SLC49A4: variants seen among roughly 807,000 people sequenced by gnomAD.
SLC49A4 encodes the protein solute carrier family 49 member 4.
A neutral mutation model predicts 50.6 loss-of-function variants in SLC49A4; 36 were observed. The observed-to-expected ratio is 0.71, with a 90% CI of 0.55 to 0.94. The LOEUF (loss-of-function observed/expected upper bound fraction) is 0.94, where lower values mean the gene tolerates loss of function less well. Among genes scored for constraint, SLC49A4 ranks in the 40% least tolerant of loss-of-function variants. The pLI is 0.00. For synonymous variants in SLC49A4, 248 were observed against 241.2 expected (o/e 1.03, Z -0.26); for missense variants, 503 against 605.7 (o/e 0.83, Z 1.78).
At chr3:122,834,719 G>A (rs1214599954) in intron 4 of SLC49A4, among the ~76,000 whole-genome samples, 3 of 151,552 alleles carry the variant, frequency 2.0e-5, no homozygotes, top group Admixed American at 6.6e-5. Context: ...GATCAGAGCA[G>A]AACTAAATAA....
chr3:122,857,376 A>G (rs1490669280), intron 6 of SLC49A4, among the ~76,000 whole-genome samples: 2 of 152,072 alleles, frequency 1.3e-5, no homozygotes, highest in Non-Finnish European at 2.9e-5. Flanking sequence ...CCAAAGAGAT[A>G]ATATTCATTC....
intron 4 of SLC49A4, among the ~76,000 whole-genome samples, chr3:122,839,902 A>G (rs919733033): frequency 2.0e-5 from 3 of 152,170 alleles, no homozygotes; most frequent in African/African-American, 7.2e-5. Context: ...TACCCAAAGG[A>G]GAAAAGTCTT....
intron 2 of SLC49A4, among the ~76,000 whole-genome samples, chr3:122,821,895 C>A (rs953994010): frequency 2.6e-5 from 4 of 152,090 alleles, no homozygotes; most frequent in African/African-American, 9.7e-5. Flanking sequence ...TGAATTTAAA[C>A]TTGTTAAAAT....
intron 7 of SLC49A4, among the ~76,000 whole-genome samples, chr3:122,867,654 A>G (rs1279028670): frequency 1.3e-5 from 2 of 152,246 alleles, no homozygotes; most frequent in Non-Finnish European, 2.9e-5. Flanking sequence ...ATAACCACTG[A>G]TCCCCAAAGT....
intron 2 of SLC49A4, among the ~76,000 whole-genome samples, chr3:122,825,475 A>G (rs1263102380): frequency 1.3e-5 from 2 of 151,904 alleles, no homozygotes; most frequent in African/African-American, 4.8e-5. Context: ...GCCTTCATAT[A>G]ATTTTTCCAA....
At position 122,845,748 on chromosome 3, in the gene SLC49A4, A is replaced by C. The variant is rs537106908; in HGVS notation, c.834-15A>C. 5 of 1,476,596 alleles carry C rather than the reference A, an allele frequency of 3.4e-6. No homozygotes were observed. The highest frequency in any genetic ancestry group is 4.6e-6 in the Non-Finnish European group (5 of 1,084,350). 91.5% of individuals were successfully genotyped at this position (1,476,596 alleles called of 1,614,324 possible). On this transcript the variant is annotated splice_polypyrimidine_tract_variant and intron_variant, in intron 4 of 8. Transcript: ENST00000261038. ...TTAATTTGTTACAATGTTTCCTTTTATTTCTCATTCACAGCAATTTTCGAT... is the reference window on the plus strand; with the variant it reads ...TTAATTTGTTACAATGTTTCCTTTTCTTTCTCATTCACAGCAATTTTCGAT...
chr3:122,815,580 A>ATG (rs1184079084), intron 2 of SLC49A4, among the ~76,000 whole-genome samples: 4 of 152,174 alleles, frequency 2.6e-5, no homozygotes, highest in Admixed American at 2.6e-4. Flanking sequence ...AGATGCCTCC[A>ATG]TGTGTCCATG....
intron 2 of SLC49A4, among the ~76,000 whole-genome samples, chr3:122,818,950 C>CA (rs572402085): frequency 1.3e-3 from 191 of 143,038 alleles, no homozygotes; most frequent in South Asian, 0.011. Flanking sequence ...CTGTCCCCCC[C>CA]AAAAAAAAAA....
intron 2 of SLC49A4, among the ~76,000 whole-genome samples, chr3:122,823,234 G>A (rs538786519): frequency 4.6e-5 from 7 of 152,366 alleles, no homozygotes; most frequent in African/African-American, 1.7e-4. Context: ...TCCCTGCTGT[G>A]TACTTCCTAG....
chr3:122,870,661 A>T (rs978269099), intron 7 of SLC49A4, among the ~76,000 whole-genome samples: 1 of 150,930 alleles, frequency 6.6e-6, no homozygotes, highest in Non-Finnish European at 1.5e-5. Flanking sequence ...ATACAAAAAA[A>T]ATTTAGCTTG....
chr3:122,834,346 C>T (rs1294055388), intron 4 of SLC49A4, among the ~76,000 whole-genome samples: 1 of 151,988 alleles, frequency 6.6e-6, no homozygotes, highest in East Asian at 1.9e-4. Flanking sequence ...TTTTATAAAT[C>T]AAAATCATAT....
chr3:122,860,873 C>T (rs1937051086), intron 7 of SLC49A4, among the ~76,000 whole-genome samples: 1 of 152,172 alleles, frequency 6.6e-6, no homozygotes, highest in African/African-American at 2.4e-5. Flanking sequence ...ATACAGGTCT[C>T]ACTGGGCTAA....
chr3:122,829,642 C>T (rs981932598), intron 3 of SLC49A4, among the ~76,000 whole-genome samples: 2 of 152,070 alleles, frequency 1.3e-5, no homozygotes, highest in African/African-American at 2.4e-5. Flanking sequence ...CCCAGTTACT[C>T]GGGAGGCTGA....
At chr3:122,833,165 C>G (rs927075238) in intron 3 of SLC49A4, 152 bp from the exon 4 acceptor site, 14 of 626,030 alleles carry the variant, frequency 2.2e-5, no homozygotes, top group Non-Finnish European at 3.5e-5. Context: ...CACTTGAGCC[C>G]AGGAGGTCAA....
At chr3:122,826,228 T>C (rs9835184) in intron 2 of SLC49A4, among the ~76,000 whole-genome samples, 15,296 of 152,276 alleles carry the variant, frequency 0.1, 775 homozygotes, top group Non-Finnish European at 0.12. Context: ...GATATTTTAA[T>C]GAGTCTTTCA....
chr3:122,835,912 G>A (rs934692369), intron 4 of SLC49A4, among the ~76,000 whole-genome samples: 10 of 152,024 alleles, frequency 6.6e-5, no homozygotes, highest in Non-Finnish European at 1.2e-4. Flanking sequence ...AAACTCTCAG[G>A]TTACAAAATC....
intron 2 of SLC49A4, among the ~76,000 whole-genome samples, chr3:122,816,593 T>C (rs1049384966): frequency 6.6e-6 from 1 of 152,200 alleles, no homozygotes; most frequent in Non-Finnish European, 1.5e-5. Flanking sequence ...AATGAGGAGA[T>C]CTCAAAATAG....
chr3:122,856,389 T>C lies in SLC49A4; in HGVS notation c.1010+15T>C, dbSNP rs765112895. The C allele has an allele frequency of 6.2e-7, 1 of 1,613,168 alleles. No homozygotes were observed. The highest frequency in any genetic ancestry group is 2.2e-5 in the East Asian group (1 of 44,850). On this transcript the variant is annotated intron_variant, in intron 6 of 8. Coordinates refer to ENST00000261038, the MANE Select transcript of SLC49A4 (RefSeq NM_032839.3). The stretch of plus-strand genomic sequence containing the variant: ...GCTATGGCAAGGTGAGAATATTTTG[T>C]TAAACTTGTGAGTGGACAGAGCAGG...
chr3:122,860,166 T>G lies in SLC49A4; in HGVS notation c.1102T>G (p.Cys368Gly). The stretch of plus-strand genomic sequence containing the variant: ...GTCATCCACGTGGTTCACCCTGACC[T>G]GTTTGAACAGCATCACACACCTACC... ...TLSSTWFTLT[C>G]LNSITHLPLT... The change falls in exon 7 of 9, where the codon TGT becomes GGT. Residue 368 changes from cysteine (C) to glycine (G), a missense_variant. By Grantham distance (159) the Cys-to-Gly change is radical. Transcript: ENST00000261038. 1 of 1,611,380 alleles carries G rather than the reference T, an allele frequency of 6.2e-7. No individual in the cohort carries two copies. Among genetic ancestry groups the G allele is most frequent in the South Asian group, 1.1e-5 (1 of 90,608 alleles).
Sources: allele counts gnomAD v4.1 joint callset (sites outside exome capture counted in the v4.1 genomes callset), GRCh38; gene constraint gnomAD v4.1.1; transcripts MANE v1.5; gene names NCBI Gene and HGNC (gene_info 2026-07-23, HGNC 2026-07-21).